The following CNIH3 variants were observed in gnomAD, a reference collection of about 807,000 sequenced individuals.
The protein encoded by CNIH3 is protein cornichon homolog 3.
CNIH3 carries 14 observed loss-of-function variants against 24.1 expected under a neutral mutation model. The ratio of observed to expected loss-of-function variants is 0.58; its 90% CI spans 0.38 to 0.91. CNIH3 has a LOEUF of 0.91. CNIH3 is among the 40% of genes least tolerant of loss of function. CNIH3 has a pLI of 0.00. For synonymous variants in CNIH3, 68 were observed against 73.8 expected (o/e 0.92, Z 0.40); for missense variants, 178 against 196.8 (o/e 0.90, Z 0.57).
intron 3 of CNIH3, among the ~76,000 whole-genome samples, chr1:224,706,433 C>G (rs1687815789): frequency 6.6e-6 from 1 of 152,148 alleles, no homozygotes; most frequent in African/African-American, 2.4e-5. Flanking sequence ...CTTGCTAGAG[C>G]ACATGTACCC....
At chr1:224,679,656 A>G (rs1332985796) in intron 1 of CNIH3, among the ~76,000 whole-genome samples, 2 of 152,244 alleles carry the variant, frequency 1.3e-5, no homozygotes, top group South Asian at 2.1e-4. Flanking sequence ...TACAAGTTAT[A>G]CTGGAATTTT....
At chr1:224,472,971 G>A (rs563527227) in intron 1 of CNIH3, among the ~76,000 whole-genome samples, 2 of 152,202 alleles carry the variant, frequency 1.3e-5, no homozygotes, top group African/African-American at 2.4e-5. Context: ...TGTCTTTGCT[G>A]GGCTATGTGA....
Position 224,578,380 on chromosome 1 carries a change from T to A in CNIH3, n.517-4784T>A, listed in dbSNP as rs186646151. On this transcript the variant is annotated intron_variant and non_coding_transcript_variant, in intron 4 of 5. Coordinates refer to the CNIH3 transcript ENST00000471578. ...CCAACAATTTCATCTTCTTGATGAT[T>A]CCAGAACCTTCTGACTTGCTCCAGG... Among the ~76,000 whole-genome samples, 669 of 152,300 alleles carry A rather than the reference T, an allele frequency of 4.4e-3. 23 individuals carry two copies. The highest frequency in any genetic ancestry group is 0.036 in the Admixed American group (545 of 15,288).
intron 1 of CNIH3, among the ~76,000 whole-genome samples, chr1:224,634,872 C>G (rs1038971473): frequency 6.6e-6 from 1 of 152,182 alleles, no homozygotes; most frequent in Non-Finnish European, 1.5e-5. Context: ...CCGCTGCATC[C>G]CCGCCAGGAG....
exon 1 of CNIH3, chr1:224,434,734 T>C (rs1674561851): frequency 3.0e-6 from 3 of 985,924 alleles, no homozygotes; most frequent in South Asian, 4.5e-5. Flanking sequence ...CTGCCGCCTC[T>C]GTCCTCGGAT....
chr1:224,475,355 C>CAAAAA (rs35377680), intron 1 of CNIH3, among the ~76,000 whole-genome samples: 5 of 129,326 alleles, frequency 3.9e-5, no homozygotes, highest in South Asian at 2.5e-4. Flanking sequence ...GACTCCATCT[C>CAAAAA]AAAAAAAAAA....
intron 3 of CNIH3, among the ~76,000 whole-genome samples, chr1:224,555,291 A>G (rs1680090855): frequency 6.6e-6 from 1 of 152,174 alleles, no homozygotes. Context: ...GTCGCCTGTA[A>G]ATGTAATGAA....
chr1:224,616,202 C>T (rs927392736), upstream of CNIH3: 1 of 154,940 alleles, frequency 6.5e-6, no homozygotes, highest in Non-Finnish European at 1.4e-5. Context: ...ACCCACCTTT[C>T]CTCAGCCCCC....
chr1:224,723,861 G>T (rs892977), intron 3 of CNIH3, among the ~76,000 whole-genome samples: 150,580 of 152,278 alleles, frequency 0.99, 74,481 homozygotes, highest in East Asian at 1. Context: ...TTGAGTCACA[G>T]CCACAGTTCC....
At chr1:224,481,506 CT>C (rs1474485577) in intron 1 of CNIH3, among the ~76,000 whole-genome samples, 1 of 152,202 alleles carries the variant, frequency 6.6e-6, no homozygotes, top group Non-Finnish European at 1.5e-5. Context: ...CTCTTGCAGA[CT>C]CATAGAGGTA....
intron 2 of CNIH3, among the ~76,000 whole-genome samples, chr1:224,529,911 G>A (rs791512): frequency 0.31 from 47,865 of 152,158 alleles, 10,355 homozygotes; most frequent in African/African-American, 0.62. Flanking sequence ...AAATGCTGAT[G>A]TAGGCATGGG....
At chr1:224,715,707 G>T (rs1000266451) in intron 3 of CNIH3, among the ~76,000 whole-genome samples, 1 of 152,198 alleles carries the variant, frequency 6.6e-6, no homozygotes, top group Non-Finnish European at 1.5e-5. Context: ...AAATGAGAGG[G>T]TTGGGGAGGT....
At chr1:224,522,986 T>G (rs1406574898) in intron 2 of CNIH3, among the ~76,000 whole-genome samples, 1 of 152,166 alleles carries the variant, frequency 6.6e-6, no homozygotes, top group East Asian at 1.9e-4. Context: ...TTAAGCCCAG[T>G]GTTTTGGGGA....
At chr1:224,586,149 A>T (rs976776415) in intron 5 of CNIH3, among the ~76,000 whole-genome samples, 1 of 152,236 alleles carries the variant, frequency 6.6e-6, no homozygotes, top group Non-Finnish European at 1.5e-5. Flanking sequence ...TTGAAAAGGG[A>T]CCTGGTAACA....
intron 2 of CNIH3, among the ~76,000 whole-genome samples, chr1:224,543,951 TAC>T (rs1679606376): frequency 6.6e-6 from 1 of 152,176 alleles, no homozygotes; most frequent in African/African-American, 2.4e-5. Flanking sequence ...TGATTGATTA[TAC>T]ACTCATAGGT....
At chr1:224,701,260 G>A (rs1354996993) in intron 3 of CNIH3, among the ~76,000 whole-genome samples, 1 of 151,822 alleles carries the variant, frequency 6.6e-6, no homozygotes, top group Non-Finnish European at 1.5e-5. Context: ...GTTCTCAGTG[G>A]CTATCTTTGT....
chr1:224,632,733 A>C (rs962151070), intron 1 of CNIH3, among the ~76,000 whole-genome samples: 2 of 152,036 alleles, frequency 1.3e-5, no homozygotes, highest in Admixed American at 1.3e-4. Context: ...CTTATCCTGG[A>C]ATAATTTTTC....
intron 4 of CNIH3, chr1:224,574,501 C>T: frequency 4.5e-6 from 3 of 667,834 alleles, no homozygotes; most frequent in Non-Finnish European, 8.2e-6. Flanking sequence ...ACCTGGAATT[C>T]CCCTCCAGGC....
chr1:224,537,639 G>A (rs1679340158), downstream of CNIH3: 1 of 152,184 alleles, frequency 6.6e-6, no homozygotes, highest in African/African-American at 2.4e-5. Context: ...CTGTGTCACA[G>A]GTGTGTCCTT....
Sources: allele counts gnomAD v4.1 joint callset (sites outside exome capture counted in the v4.1 genomes callset), GRCh38; gene constraint gnomAD v4.1.1; transcripts MANE v1.5; gene names NCBI Gene and HGNC (gene_info 2026-07-23, HGNC 2026-07-21).